Variants in NRXN3 observed in about 807,000 individuals in gnomAD.
NRXN3 encodes the protein neurexin III.
NRXN3 carries 32 observed loss-of-function variants against 137.6 expected under a neutral mutation model. The ratio of observed to expected loss-of-function variants is 0.23; its 90% CI spans 0.18 to 0.31. The LOEUF is 0.31. Among genes scored for constraint, NRXN3 ranks in the 10% least tolerant of loss-of-function variants. The pLI, the probability that NRXN3 is intolerant of heterozygous loss-of-function variation, is 1.00. For missense variants in NRXN3, 1,574 were observed against 2,062.5 expected (o/e 0.76, Z 4.59); for synonymous variants, 798 against 784.5 (o/e 1.02, Z -0.29).
rs757013465 is a variant in NRXN3 at position 78,709,492 on chromosome 14, C to A, written c.1497C>A (p.Ser499Arg). The A allele has an allele frequency of 1.2e-6, 2 of 1,614,090 alleles. No individual in the cohort carries two copies. Among genetic ancestry groups the A allele is most frequent in the South Asian group, 1.1e-5 (1 of 91,074 alleles). The change falls in exon 7 of 21, where the codon AGC becomes AGA. Residue 499 changes from serine (S) to arginine (R), a missense_variant. Transcript: ENST00000335750. ...GKPQERKDAR[S>R]QKNTKVDFFA... ...CCCAAGAGAGGAAGGATGCTCGGAG[C>A]CAGAAGAATACAAAAGTAGACTTCT...
chr14:79,219,528 A>G (rs1050248565), intron 15 of NRXN3, among the ~76,000 whole-genome samples: 3 of 152,190 alleles, frequency 2.0e-5, no homozygotes, highest in African/African-American at 7.2e-5. Context: ...GGAAAGATTT[A>G]CTAAATAAAG....
At position 79,723,616 on chromosome 14, in the gene NRXN3, C is replaced by T. The variant is rs568220013; in HGVS notation, c.4014+25679C>T. Among the ~76,000 whole-genome samples the T allele has an allele frequency of 4.3e-4, 65 of 152,160 alleles. No homozygotes were observed. The South Asian group carries it at 0.012, about 28-fold the overall frequency. On this transcript the variant is annotated intron_variant, in intron 19 of 20. Coordinates refer to ENST00000335750, the MANE Select transcript of NRXN3 (RefSeq NM_001330195.2). The stretch of plus-strand genomic sequence containing the variant: ...TTTGTGGATGTGTGTGTTATGGAGA[C>T]GAATGAAATTTCAGACACAGCAATG...
chr14:78,286,818 G>A (rs146123167), intron 3 of NRXN3, among the ~76,000 whole-genome samples: 31 of 152,320 alleles, frequency 2.0e-4, no homozygotes, highest in African/African-American at 7.2e-4. Context: ...TGTATTCCAT[G>A]TGTGGTTACA....
At chr14:79,811,507 T>G (rs925395519) in intron 20 of NRXN3, among the ~76,000 whole-genome samples, 4 of 152,082 alleles carry the variant, frequency 2.6e-5, no homozygotes, top group Non-Finnish European at 5.9e-5. Context: ...AGTATAATGT[T>G]CCAGATTAAT....
intron 4 of NRXN3, among the ~76,000 whole-genome samples, chr14:78,607,877 C>G (rs1018612559): frequency 6.6e-6 from 1 of 152,070 alleles, no homozygotes; most frequent in Non-Finnish European, 1.5e-5. Context: ...TTTTAACATT[C>G]TAGAGTAGAA....
intron 15 of NRXN3, among the ~76,000 whole-genome samples, chr14:79,329,850 T>C (rs1235265261): frequency 6.6e-6 from 1 of 151,988 alleles, no homozygotes; most frequent in Non-Finnish European, 1.5e-5. Flanking sequence ...AGAGTTTTTT[T>C]TTTTTTTTGG....
At chr14:79,470,917 T>A (rs866837855) in intron 16 of NRXN3, among the ~76,000 whole-genome samples, 37 of 122,240 alleles carry the variant, frequency 3.0e-4, no homozygotes, top group African/African-American at 1.5e-3. Flanking sequence ...TGTGTGTGTG[T>A]GTGAGAGAGA....
chr14:78,488,485 C>T (rs1437880286), intron 4 of NRXN3, among the ~76,000 whole-genome samples: 1 of 152,068 alleles, frequency 6.6e-6, no homozygotes, highest in Non-Finnish European at 1.5e-5. Flanking sequence ...TAGAAAGCTG[C>T]TTTTACATTA....
chr14:78,572,185 A>T (rs952081968), intron 4 of NRXN3, among the ~76,000 whole-genome samples: 6 of 152,232 alleles, frequency 3.9e-5, no homozygotes, highest in African/African-American at 1.4e-4. Context: ...TACTGACATG[A>T]TACTGAGCTG....
chr14:78,847,584 G>T (rs1295480111), intron 10 of NRXN3, among the ~76,000 whole-genome samples: 3 of 152,030 alleles, frequency 2.0e-5, no homozygotes, highest in African/African-American at 7.2e-5. Flanking sequence ...AAAGGCAAAG[G>T]CATTTCTTCT....
intron 16 of NRXN3, among the ~76,000 whole-genome samples, chr14:79,602,992 C>A (rs2097945575): frequency 6.6e-6 from 1 of 152,144 alleles, no homozygotes; most frequent in African/African-American, 2.4e-5. Flanking sequence ...GAAGGCAAAT[C>A]TTGACTCATC....
chr14:78,238,477 A>G (rs1193671384), intron 1 of NRXN3, among the ~76,000 whole-genome samples: 2 of 152,182 alleles, frequency 1.3e-5, no homozygotes, highest in Admixed American at 1.3e-4. Flanking sequence ...TGAGTCTAGC[A>G]TGCCCCACCA....
chr14:78,378,158 T>C (rs1253191012), intron 4 of NRXN3, among the ~76,000 whole-genome samples: 3 of 152,150 alleles, frequency 2.0e-5, no homozygotes, highest in Non-Finnish European at 4.4e-5. Flanking sequence ...AAGAGACTTC[T>C]AAATAACCCA....
At chr14:79,133,653 C>A (rs575667707) in intron 15 of NRXN3, among the ~76,000 whole-genome samples, 4 of 152,100 alleles carry the variant, frequency 2.6e-5, no homozygotes, top group African/African-American at 9.7e-5. Context: ...CAGCCCAGCA[C>A]GGTGGCTCAT....
At chr14:78,473,377 G>C (rs1055974341) in intron 4 of NRXN3, among the ~76,000 whole-genome samples, 3 of 149,488 alleles carry the variant, frequency 2.0e-5, no homozygotes, top group Non-Finnish European at 4.4e-5. Context: ...ACTCCAGCCT[G>C]GGCAACAGAG....
chr14:79,413,948 T>C (rs1326881330), intron 15 of NRXN3, among the ~76,000 whole-genome samples: 4 of 150,376 alleles, frequency 2.7e-5, no homozygotes, highest in Non-Finnish European at 5.9e-5. Flanking sequence ...ATTGAGTCAT[T>C]GCTACAGGCA....
intron 4 of NRXN3, among the ~76,000 whole-genome samples, chr14:78,602,688 C>T (rs1001474505): frequency 1.3e-5 from 2 of 152,152 alleles, no homozygotes. Context: ...GAAGCAAATT[C>T]CTACTCTGAT....
At chr14:78,818,296 C>T (rs1411014560) in intron 10 of NRXN3, among the ~76,000 whole-genome samples, 1 of 151,920 alleles carries the variant, frequency 6.6e-6, no homozygotes, top group African/African-American at 2.4e-5. Flanking sequence ...TTGAAGCTAC[C>T]TTGGATATAG....
intron 15 of NRXN3, among the ~76,000 whole-genome samples, chr14:79,168,760 C>T (rs2061511368): frequency 6.6e-6 from 1 of 151,978 alleles, no homozygotes; most frequent in South Asian, 2.1e-4. Flanking sequence ...CTTCAAAAGT[C>T]AGTTCCAAGT....
Sources: gnomAD v4.1 joint callset for allele counts (sites outside exome capture counted in the v4.1 genomes callset) on GRCh38, gnomAD v4.1.1 for gene constraint, MANE v1.5 for transcripts, NCBI Gene and HGNC (gene_info 2026-07-23, HGNC 2026-07-21) for gene names.